The following PPP1R3A variants were observed in gnomAD, a reference collection of about 807,000 sequenced individuals.
PPP1R3A encodes the protein RG1.
A neutral mutation model predicts 41.7 loss-of-function variants in PPP1R3A; 29 were observed. That is an observed-to-expected ratio of 0.70 (90% CI 0.52 to 0.95). PPP1R3A has a LOEUF of 0.95. Ranked by LOEUF, PPP1R3A falls within the 40% of genes least tolerant of loss-of-function variation. The probability of loss-of-function intolerance (pLI) is 0.00; values close to 1 mark genes in which losing one functional copy is unlikely to be tolerated. For missense variants in PPP1R3A, 1,352 were observed against 1,292.4 expected (o/e 1.05, Z -0.71); for synonymous variants, 485 against 453.4 (o/e 1.07, Z -0.89).
In PPP1R3A at chr7:113,878,114, A is replaced by C; in HGVS notation, c.2978T>G (p.Ile993Arg). The C allele has an allele frequency of 6.2e-7, 1 of 1,613,416 alleles. No homozygotes were observed. Among genetic ancestry groups the C allele is most frequent in the Non-Finnish European group, 8.5e-7 (1 of 1,179,670 alleles). The part of the protein sequence containing the change: ...VTSGSRKERC[I>R]GQIFQTEEYS... ...CTCTTCTGTTTGGAAAATCTGGCCTATGCATCTTTCTTTTCTACTACCTGA... is the reference window on the plus strand; with the variant it reads ...CTCTTCTGTTTGGAAAATCTGGCCTCTGCATCTTTCTTTTCTACTACCTGA... The change falls in exon 4 of 4, where the codon ATA becomes AGA. Residue 993 changes from isoleucine (I) to arginine (R), a missense_variant. Transcript: ENST00000284601.
At chr7:113,916,870 A>G (rs1797351328) in intron 1 of PPP1R3A, among the ~76,000 whole-genome samples, 1 of 152,096 alleles carries the variant, frequency 6.6e-6, no homozygotes, top group Non-Finnish European at 1.5e-5. Flanking sequence ...TCCTAACAGC[A>G]TCAGTTAAAA....
intron 1 of PPP1R3A, among the ~76,000 whole-genome samples, chr7:113,892,623 G>T (rs1270254566): frequency 6.6e-6 from 1 of 151,964 alleles, no homozygotes; most frequent in African/African-American, 2.4e-5. Flanking sequence ...ATTAAAAGAG[G>T]GATCAGTGTC....
Position 113,878,543 on chromosome 7 carries a change from C to T in PPP1R3A, c.2549G>A (p.Trp850Ter). 1 of 1,613,548 alleles carries T rather than the reference C, an allele frequency of 6.2e-7. No homozygotes were observed. The highest frequency in any genetic ancestry group is 8.5e-7 in the Non-Finnish European group (1 of 1,179,704). The change falls in exon 4 of 4, where the codon TGG becomes TAG. Residue 850 changes from tryptophan (W) to a stop codon, truncating the protein, a stop_gained. Coordinates refer to ENST00000284601, the MANE Select transcript of PPP1R3A (RefSeq NM_002711.4). LOFTEE classifies it low-confidence loss of function (END_TRUNC). The stretch of plus-strand genomic sequence containing the variant: ...TGCTTTTTGATATTCTGTAATGACC[C>T]ATGAGGATTCTTCCACAGATGTTAT... ...GNITSVEESS[W>*]VITEYQKATS...
intron 1 of PPP1R3A, among the ~76,000 whole-genome samples, chr7:113,910,889 A>G (rs1043234894): frequency 2.6e-5 from 4 of 152,162 alleles, no homozygotes; most frequent in Non-Finnish European, 4.4e-5. Flanking sequence ...ACTATTCAGT[A>G]TAATTTACAA....
At chr7:113,902,195 A>G (rs1797073242) in intron 1 of PPP1R3A, among the ~76,000 whole-genome samples, 1 of 151,672 alleles carries the variant, frequency 6.6e-6, no homozygotes. Context: ...GAGGGGCACA[A>G]TCATTCACTG....
chr7:113,879,858 T>C lies in PPP1R3A; in HGVS notation c.1234A>G (p.Met412Val). ...CCCAATGATGGCTTGATTTCTCCCA[T>C]ATTTGAAGTAGTTTCCTCTGAAGGT... is the stretch of plus-strand genomic sequence containing the variant. ...HQPSEETTSN[M>V]GEIKPSLGDT... Residue 412 changes from methionine to valine, a missense_variant, in exon 4 of 4, where the codon ATG becomes GTG. Coordinates refer to ENST00000284601, the MANE Select transcript of PPP1R3A (RefSeq NM_002711.4). 1 of 1,613,546 alleles carries C rather than the reference T, an allele frequency of 6.2e-7. No individual in the cohort carries two copies. The highest frequency in any genetic ancestry group is 2.2e-5 in the East Asian group (1 of 44,826).
At chr7:113,914,551 TC>T (rs1797307946) in intron 1 of PPP1R3A, among the ~76,000 whole-genome samples, 1 of 152,146 alleles carries the variant, frequency 6.6e-6, no homozygotes, top group Admixed American at 6.6e-5. Context: ...GGAATGGCTC[TC>T]CAAAGCTGAA....
chr7:113,905,186 T>C (rs1394657179), intron 1 of PPP1R3A, among the ~76,000 whole-genome samples: 1 of 151,724 alleles, frequency 6.6e-6, no homozygotes, highest in Non-Finnish European at 1.5e-5. Context: ...TTATTTTTGC[T>C]ATATAAAATA....
rs1797386451 is a variant in PPP1R3A, at chr7:113,918,821, G to A, written c.176C>T (p.Ser59Leu). The change falls in exon 1 of 4, where the codon TCA (serine) becomes TTA (leucine). Residue 59 changes from serine (S) to leucine (L), a missense_variant. Physicochemically the swap from Ser to Leu is moderately radical, Grantham distance 145. Transcript: ENST00000284601. ...SEDIYLDTPS[S>L]GTRRVSFADS... ...AGCAAATGAAACTCTTCTAGTACCT[G>A]AAGATGGGGTATCCAGGTATATGTC... 6.2e-7 allele frequency: 1 copy of A among 1,613,852 alleles called. No individual in the cohort carries two copies. The highest frequency in any genetic ancestry group is 1.1e-5 in the South Asian group (1 of 91,078).
rs1455169549 is a variant in PPP1R3A, at chr7:113,918,559, A to G, written c.438T>C (p.Ile146=). The change falls in exon 1 of 4, where the codon ATT becomes ATC. Residue 146 remains isoleucine, a synonymous_variant. Transcript: ENST00000284601. ...LLGSTSIKGI[I]RVLNVSFEKL... ...TCTCAAAAGAAACATTCAAAACTCG[A>G]ATAATACCCTTGATACTTGTAGACC... 1.2e-5 allele frequency: 19 copies of G among 1,613,020 alleles called. No individual in the cohort carries two copies. The highest frequency in any genetic ancestry group is 1.6e-5 in the Non-Finnish European group (19 of 1,179,408).
At chr7:113,893,350 A>C (rs1464335415) in intron 1 of PPP1R3A, among the ~76,000 whole-genome samples, 1 of 152,016 alleles carries the variant, frequency 6.6e-6, no homozygotes, top group East Asian at 1.9e-4. Context: ...GCCAAGGATA[A>C]ATTGTCAATT....
At chr7:113,918,183 TG>T in intron 1 of PPP1R3A, 31 bp downstream of exon 1, 4 of 1,545,024 alleles carry the variant, frequency 2.6e-6, no homozygotes, top group Non-Finnish European at 3.5e-6. Flanking sequence ...TTTAAGATTG[TG>T]AATAATAAAA....
At chr7:113,917,742 T>C (rs1338284967) in intron 1 of PPP1R3A, among the ~76,000 whole-genome samples, 1 of 152,092 alleles carries the variant, frequency 6.6e-6, no homozygotes, top group African/African-American at 2.4e-5. Context: ...AAAACAGTTA[T>C]GAAGAAGTTC....
chr7:113,900,257 A>G (rs904103709), intron 1 of PPP1R3A, among the ~76,000 whole-genome samples: 1 of 151,786 alleles, frequency 6.6e-6, no homozygotes, highest in Non-Finnish European at 1.5e-5. Context: ...AGTACCATAA[A>G]GTGTATCTCA....
rs778402849 is a variant in PPP1R3A, at chr7:113,879,756, G to T, written c.1336C>A (p.His446Asn). The change falls in exon 4 of 4, where the codon CAT becomes AAT. Residue 446 changes from histidine (H) to asparagine (N), a missense_variant. Physicochemically the swap from His to Asn is moderately conservative, Grantham distance 68 (BLOSUM62 1). Coordinates refer to ENST00000284601, the MANE Select transcript of PPP1R3A (RefSeq NM_002711.4). Reference protein sequence around the residue: ...EVLDDNANPAHGNGTVQIPCP... With the variant: ...EVLDDNANPANGNGTVQIPCP... ...GGTATTTGCACTGTGCCATTGCCAT[G>T]GGCTGGATTAGCATTATCATCCAGG... 1.2e-6 allele frequency: 2 copies of T among 1,613,318 alleles called. No homozygotes were observed. The highest frequency in any genetic ancestry group is 1.7e-6 in the Non-Finnish European group (2 of 1,179,690).
Position 113,879,105 on chromosome 7 carries a change from CCT to C in PPP1R3A, c.1985_1986del (p.Gln662ArgfsTer7), listed in dbSNP as rs527638422. ...TTTGTCTTATTCTCTCTTGATTTTC[CCT>C]GACTTTCCAGAACATTCCAACTTTG... Reference protein sequence around the residue: ...HKQSWNVLESQGKSRENKTNI... With the variant: ...HKQSWNVLESXGKSRENKTNI... On this transcript the variant is annotated frameshift_variant, in exon 4 of 4. Transcript: ENST00000284601. LOFTEE classifies it low-confidence loss of function (END_TRUNC). The C allele has an allele frequency of 3.8e-3, 6,151 of 1,613,644 alleles. 19 individuals carry two copies. The highest frequency in any genetic ancestry group is 5.0e-3 in the Non-Finnish European group (5,840 of 1,179,774).
At chr7:113,896,019 T>A (rs1396654927) in intron 1 of PPP1R3A, among the ~76,000 whole-genome samples, 9 of 151,890 alleles carry the variant, frequency 5.9e-5, no homozygotes, top group Non-Finnish European at 1.0e-4. Context: ...GATGAGCGTA[T>A]AAGAGAGTCA....
chr7:113,882,042 C>T lies in PPP1R3A; in HGVS notation c.963G>A (p.Leu321=), dbSNP rs1027483817. ...HDEHNEKELE[L]MINQHLIRTR... is the part of the protein sequence containing the mutation. ...CCGTGGCAACCAGAACACTTACCAT[C>T]AACTCTAATTCTTTTTCATTATGTT... The change falls in exon 3 of 4, where the codon TTG becomes TTA. Residue 321 remains leucine (L), a synonymous_variant. Transcript: ENST00000284601. 1.2e-6 allele frequency: 2 copies of T among 1,612,222 alleles called. No homozygotes were observed. The highest frequency in any genetic ancestry group is 1.7e-6 in the Non-Finnish European group (2 of 1,178,870).
chr7:113,883,058 CT>C (rs1220133473), intron 1 of PPP1R3A, among the ~76,000 whole-genome samples: 1 of 151,868 alleles, frequency 6.6e-6, no homozygotes, highest in South Asian at 2.1e-4. Flanking sequence ...AGACAAATAC[CT>C]TTTTCCTTCA....
Sources: allele counts gnomAD v4.1 joint callset (sites outside exome capture counted in the v4.1 genomes callset), GRCh38; gene constraint gnomAD v4.1.1; transcripts MANE v1.5; gene names NCBI Gene and HGNC (gene_info 2026-07-23, HGNC 2026-07-21).